The following ZNF541 variants were observed in gnomAD, a reference collection of about 807,000 sequenced individuals.
The protein encoded by ZNF541 is zinc finger protein 541.
A neutral mutation model predicts 123.5 loss-of-function variants in ZNF541; 23 were observed. The observed-to-expected ratio is 0.19, with a 90% CI of 0.13 to 0.26. ZNF541 has a LOEUF of 0.26. ZNF541 is among the 10% of genes least tolerant of loss of function. The pLI is 1.00. For synonymous variants in ZNF541, 751 were observed against 754.5 expected (o/e 1.00, Z 0.08); for missense variants, 1,612 against 1,789.9 (o/e 0.90, Z 1.79).
In ZNF541 at chr19:47,521,910, CT is replaced by C; in HGVS notation, c.3654del (p.Leu1220Ter). Reference protein sequence around the residue: ...KMIKFDCGRAPGLEKRVKREP... With the variant: ...KMIKFDCGRAXGLEKRVKREP... ...TCTCTCTTGACCCTCTTTTCTAGCC[CT>C]GGGGCTCGGCCACAGTCAAACTTGA... is the stretch of plus-strand genomic sequence containing the variant. On this transcript the variant is annotated frameshift_variant, in exon 15 of 17. Transcript: ENST00000391901. LOFTEE classifies it high-confidence loss of function. The surrounding 1 kb of genome is among the most constrained non-coding windows in gnomAD (Gnocchi z 4.2). The C allele has an allele frequency of 6.4e-7, 1 of 1,551,882 alleles. No homozygotes were observed. Among genetic ancestry groups the C allele is most frequent in the Non-Finnish European group, 8.7e-7 (1 of 1,147,034 alleles).
rs1302313850 is a variant in ZNF541, at chr19:47,538,382, G to A, written c.2854C>T (p.Arg952Trp). The A allele has an allele frequency of 5.8e-6, 9 of 1,543,536 alleles. No homozygotes were observed. In the Admixed American group the frequency reaches 8.0e-5, roughly 14 times the overall value. Reference protein sequence around the residue: ...DSKESSQQRKRKKRPPPSTAG... With the variant: ...DSKESSQQRKWKKRPPPSTAG... Reference sequence around the variant, plus strand: ...GTGGAGGGTGGGGGCCGCTTCTTCCGCTTTCTCTGCTGGCTGCTCTCCTTG... The same window carrying A: ...GTGGAGGGTGGGGGCCGCTTCTTCCACTTTCTCTGCTGGCTGCTCTCCTTG... The change falls in exon 9 of 17, where the codon CGG (arginine) becomes TGG (tryptophan). Residue 952 changes from arginine to tryptophan, a missense_variant. Arg to Trp is a moderately radical substitution (Grantham distance 101). Coordinates refer to ENST00000391901, the MANE Select transcript of ZNF541 (RefSeq NM_001277075.3).
rs114882878 is a variant in ZNF541 at position 47,562,981 on chromosome 19, C to A, written c.-98-7027G>T. On this transcript the variant is annotated intron_variant, in intron 2 of 16. Coordinates refer to ENST00000391901, the MANE Select transcript of ZNF541 (RefSeq NM_001277075.3). ...CTTCATGACTCACTGAATAACAAAT[C>A]TAGTGCATACTTGAATAACGGGAGT... 9.0e-3 allele frequency among the ~76,000 whole-genome samples: 1,368 copies of A among 152,316 alleles called. 17 individuals carry two copies. The highest frequency in any genetic ancestry group is 0.031 in the African/African-American group (1,305 of 41,568).
chr19:47,558,960 G>C (rs1484665601), intron 2 of ZNF541, among the ~76,000 whole-genome samples: 2 of 151,592 alleles, frequency 1.3e-5, no homozygotes, highest in African/African-American at 4.8e-5. Context: ...TGGCGAGGCT[G>C]GTCTTGAACT....
chr19:47,523,339 TAAA>T (rs75366644), intron 14 of ZNF541, among the ~76,000 whole-genome samples: 3 of 105,746 alleles, frequency 2.8e-5, no homozygotes, highest in Non-Finnish European at 5.3e-5. Context: ...GCGTCTCTTT[TAAA>T]AAAAAAAAAA....
At chr19:47,525,978 G>A (rs2122882610) in intron 14 of ZNF541, among the ~76,000 whole-genome samples, 1 of 151,428 alleles carries the variant, frequency 6.6e-6, no homozygotes, top group Admixed American at 6.6e-5. Context: ...TTTGTGGTTG[G>A]GTTAGGCAAA....
At position 47,529,569 on chromosome 19, in the gene ZNF541, C is replaced by G. The variant is rs1233419688; in HGVS notation, c.3481+8G>C. The stretch of plus-strand genomic sequence containing the variant: ...GGCCAAACCAGCTCAGCAGCCTTTC[C>G]CCGTCACCTGTGTAGCGATAGTCAG... On this transcript the variant is annotated splice_region_variant and intron_variant, in intron 13 of 16. Coordinates refer to ENST00000391901, the MANE Select transcript of ZNF541 (RefSeq NM_001277075.3). 1 of 1,551,472 alleles carries G rather than the reference C, an allele frequency of 6.4e-7. No homozygotes were observed. The highest frequency in any genetic ancestry group is 8.7e-7 in the Non-Finnish European group (1 of 1,146,938).
intron 2 of ZNF541, among the ~76,000 whole-genome samples, chr19:47,560,091 T>C (rs1178015932): frequency 6.6e-6 from 1 of 152,062 alleles, no homozygotes; most frequent in African/African-American, 2.4e-5. Context: ...GATCTTGCCT[T>C]TTTTTGTACC....
chr19:47,555,030 G>A (rs989379546), intron 3 of ZNF541, among the ~76,000 whole-genome samples: 7 of 146,026 alleles, frequency 4.8e-5, no homozygotes, highest in Admixed American at 2.1e-4. Flanking sequence ...GAAGCCAGAG[G>A]TTGCAGTGAG....
chr19:47,523,327 G>A (rs560645778), intron 14 of ZNF541, among the ~76,000 whole-genome samples: 2 of 136,428 alleles, frequency 1.5e-5, no homozygotes, highest in Admixed American at 7.5e-5. Context: ...CGCGCCCGGC[G>A]AGCGTCTCTT....
Position 47,521,769 on chromosome 19 carries a change from C to T in ZNF541, c.3711+85G>A, listed in dbSNP as rs113765841. ...AAAACCCTTCCATCAGGAGCACCCC[C>T]GCCCTCTGACCCCACCGTCCAACTC... On this transcript the variant is annotated intron_variant, in intron 15 of 16. Transcript: ENST00000391901. The surrounding 1 kb of genome is among the most constrained non-coding windows in gnomAD (Gnocchi z 4.2). The T allele has an allele frequency of 4.7e-5, 71 of 1,525,486 alleles. 1 individual carries two copies. Among genetic ancestry groups the T allele is most frequent in the African/African-American group, 4.3e-4 (31 of 72,466 alleles). The allele number at this position is 1,525,486 out of a possible 1,614,324, so 94.5% of individuals were successfully genotyped here.
Position 47,545,197 on chromosome 19 carries a change from G to T in ZNF541, c.1332C>A (p.Gly444=), listed in dbSNP as rs1970281826. ...HKPSAVPSRE[G]SESGPGPSSG... is the part of the protein sequence containing the mutation. ...TGCTGGGTCCCGGGCCAGACTCGGA[G>T]CCCTCCCGCGAGGGCACGGCCGAGG... The change falls in exon 5 of 17, where the codon GGC becomes GGA. Residue 444 remains glycine (G), a synonymous_variant. Transcript: ENST00000391901. This position sits in a 1 kb window ranked among gnomAD's most constrained non-coding sequence, Gnocchi z 7.5. 2 of 1,522,704 alleles carry T rather than the reference G, an allele frequency of 1.3e-6. No homozygotes were observed. Among genetic ancestry groups the T allele is most frequent in the Non-Finnish European group, 8.8e-7 (1 of 1,133,326 alleles). The allele number at this position is 1,522,704 out of a possible 1,614,324, so 94.3% of individuals were successfully genotyped here.
intron 3 of ZNF541, among the ~76,000 whole-genome samples, chr19:47,551,602 G>A (rs1030928522): frequency 4.6e-5 from 7 of 151,712 alleles, no homozygotes; most frequent in African/African-American, 1.7e-4. Flanking sequence ...ACAGTGGTGC[G>A]ATCACAGCTC....
At chr19:47,560,499 G>C (rs763985645) in intron 2 of ZNF541, among the ~76,000 whole-genome samples, 1 of 150,644 alleles carries the variant, frequency 6.6e-6, no homozygotes, top group African/African-American at 2.4e-5. Flanking sequence ...TCACTTGAAT[G>C]TGGGAGGTGG....
At chr19:47,530,021 A>T (rs115342842) in intron 12 of ZNF541, among the ~76,000 whole-genome samples, 57 of 152,292 alleles carry the variant, frequency 3.7e-4, no homozygotes, top group African/African-American at 1.3e-3. Context: ...GTCAATAGCT[A>T]ACAATTGAAA....
chr19:47,571,700 C>CTA (rs1464558486), intron 2 of ZNF541, among the ~76,000 whole-genome samples, 196 bp downstream of exon 2: 1 of 152,200 alleles, frequency 6.6e-6, no homozygotes, highest in Non-Finnish European at 1.5e-5. Flanking sequence ...ACACATCAAT[C>CTA]TATGTCTGCA....
chr19:47,566,467 C>T (rs1355245251), intron 2 of ZNF541, among the ~76,000 whole-genome samples: 1 of 152,056 alleles, frequency 6.6e-6, no homozygotes, highest in Admixed American at 6.6e-5. Flanking sequence ...TAGATGGGGC[C>T]AGGTATGGTG....
rs1267143942 is a variant in ZNF541, at chr19:47,545,225, T to C, written c.1304A>G (p.Lys435Arg). 1.3e-6 allele frequency: 2 copies of C among 1,544,986 alleles called. No homozygotes were observed. Among genetic ancestry groups the C allele is most frequent in the Non-Finnish European group, 1.7e-6 (2 of 1,145,282 alleles). The change falls in exon 5 of 17, where the codon AAG becomes AGG. Residue 435 changes from lysine to arginine, a missense_variant. Coordinates refer to ENST00000391901, the MANE Select transcript of ZNF541 (RefSeq NM_001277075.3). This position sits in a 1 kb window ranked among gnomAD's most constrained non-coding sequence, Gnocchi z 7.5. The part of the protein sequence containing the change: ...SKGNNVFVVH[K>R]PSAVPSREGS... ...CTCCCGCGAGGGCACGGCCGAGGGCTTGTGGACAACAAACACGTTGTTGCC... is the reference window on the plus strand; with the variant it reads ...CTCCCGCGAGGGCACGGCCGAGGGCCTGTGGACAACAAACACGTTGTTGCC...
chr19:47,533,741 G>A (rs1018195366), intron 9 of ZNF541, among the ~76,000 whole-genome samples: 1 of 152,184 alleles, frequency 6.6e-6, no homozygotes, highest in East Asian at 1.9e-4. Flanking sequence ...TACTTGGGAG[G>A]CTGAGGCAGG....
At position 47,544,695 on chromosome 19, in the gene ZNF541, G is replaced by A; in HGVS notation, c.1834C>T (p.His612Tyr). ...PPLAPAVDSL[H>Y]AGPGNPEAEG... ...GCCTCGGGGTTTCCAGGGCCGGCGT[G>A]GAGAGAGTCCACAGCAGGAGCCAGT... Residue 612 changes from histidine to tyrosine, a missense_variant, in exon 5 of 17, where the codon CAC (histidine) becomes TAC (tyrosine). Physicochemically the swap from His to Tyr is moderately conservative, Grantham distance 83 (BLOSUM62 2). Around this residue, in one of 5 missense-constraint regions of ZNF541, gnomAD observed 1,080 missense variants for 1,013.8 expected, o/e 1.07. Transcript: ENST00000391901. 1 of 1,519,954 alleles carries A rather than the reference G, an allele frequency of 6.6e-7. No homozygotes were observed. The highest frequency in any genetic ancestry group is 1.2e-5 in the South Asian group (1 of 80,234). The allele number at this position is 1,519,954 out of a possible 1,614,324, so 94.2% of individuals were successfully genotyped here. A position where few individuals can be genotyped will look rare whatever the true frequency, so the allele number is the denominator to read the frequency against.
Sources: allele counts gnomAD v4.1 joint callset (sites outside exome capture counted in the v4.1 genomes callset), GRCh38; gene constraint gnomAD v4.1.1; regional missense constraint gnomAD v4.1.1; non-coding constraint Gnocchi (gnomAD v3.1); transcripts MANE v1.5; gene names NCBI Gene and HGNC (gene_info 2026-07-23, HGNC 2026-07-21).